ZNF277: variants seen among roughly 807,000 people sequenced by gnomAD.
The protein encoded by ZNF277 is zinc finger protein 277.
Under a neutral mutation model 60.7 loss-of-function variants are expected in ZNF277, and 55 were observed. The ratio of observed to expected loss-of-function variants is 0.91; its 90% CI spans 0.73 to 1.13. The LOEUF (loss-of-function observed/expected upper bound fraction) is 1.13. ZNF277 is among the 50% of genes most tolerant of loss of function. The pLI is 0.00. For synonymous variants in ZNF277, 178 were observed against 179.3 expected (o/e 0.99, Z 0.06); for missense variants, 510 against 523.0 (o/e 0.98, Z 0.24).
Position 112,298,660 on chromosome 7 carries a change from G to A in ZNF277, c.465+2349G>A, listed in dbSNP as rs188483189. On this transcript the variant is annotated intron_variant, in intron 4 of 11. Transcript: ENST00000361822. ...AGCTGTCAAAGCCTGAGAAAGACTA[G>A]ACCAACTTGGGGATTGGAAGTAAGC... 2.2e-3 allele frequency among the ~76,000 whole-genome samples: 334 copies of A among 152,288 alleles called. 1 individual carries two copies. The highest frequency in any genetic ancestry group is 3.8e-3 in the Non-Finnish European group (261 of 68,014).
chr7:112,283,744 G>A (rs1792000399), intron 1 of ZNF277, among the ~76,000 whole-genome samples: 1 of 152,150 alleles, frequency 6.6e-6, no homozygotes, highest in African/African-American at 2.4e-5. Flanking sequence ...GTGAACCACA[G>A]AGGAATAATA....
chr7:112,342,618 A>G lies in ZNF277; in HGVS notation c.1242A>G (p.Glu414=). 6.2e-7 allele frequency: 1 copy of G among 1,613,320 alleles called. No homozygotes were observed. Among genetic ancestry groups the G allele is most frequent in the Non-Finnish European group, 8.5e-7 (1 of 1,179,870 alleles). ...TCCTGTGTACACTATCTGACAGTGAAAGTGACCTGACAGCTCAGGAACAAA... is the reference window on the plus strand; with the variant it reads ...TCCTGTGTACACTATCTGACAGTGAGAGTGACCTGACAGCTCAGGAACAAA... ...DTLLCTLSDS[E]SDLTAQEQNE... is the part of the protein sequence containing the mutation. Residue 414 remains glutamate, a synonymous_variant, in exon 12 of 12, where the codon GAA becomes GAG. Transcript: ENST00000361822.
rs190610134 is a variant in ZNF277, at chr7:112,231,150, G to T, written c.91+24343G>T. 7.7e-3 allele frequency among the ~76,000 whole-genome samples: 1,171 copies of T among 151,466 alleles called. 9 individuals are homozygous for T. Among genetic ancestry groups the T allele is most frequent in the Non-Finnish European group, 0.013 (896 of 67,946 alleles). The stretch of plus-strand genomic sequence containing the variant: ...AATCACTTGAACCCGGGAGGCGGAG[G>T]TTGCAGTGAGCTGAGATCGCGCCAT... On this transcript the variant is annotated intron_variant, in intron 1 of 11. Transcript: ENST00000361822.
chr7:112,279,238 A>C (rs1298224013), intron 1 of ZNF277, among the ~76,000 whole-genome samples: 1 of 152,070 alleles, frequency 6.6e-6, no homozygotes. Context: ...GGCTCATATG[A>C]TAGTTCTATT....
intron 2 of ZNF277, among the ~76,000 whole-genome samples, chr7:112,293,265 T>C (rs930144492): frequency 2.0e-4 from 31 of 151,996 alleles, no homozygotes; most frequent in African/African-American, 7.0e-4. Context: ...CAAGGGACAA[T>C]ATTGATTGTC....
At chr7:112,304,419 G>C (rs1792547064) in intron 4 of ZNF277, among the ~76,000 whole-genome samples, 1 of 152,100 alleles carries the variant, frequency 6.6e-6, no homozygotes, top group Non-Finnish European at 1.5e-5. Context: ...GTGGGGAAAA[G>C]TAGCTTTTTA....
At chr7:112,241,925 T>A (rs570774986) in intron 1 of ZNF277, among the ~76,000 whole-genome samples, 7 of 152,152 alleles carry the variant, frequency 4.6e-5, no homozygotes, top group Admixed American at 2.0e-4. Context: ...GTGAATAAGA[T>A]CTAGTGTTTA....
At chr7:112,221,048 T>TCGCAGACCCGC (rs1484510583) in intron 1 of ZNF277, among the ~76,000 whole-genome samples, 1 of 152,156 alleles carries the variant, frequency 6.6e-6, no homozygotes, top group African/African-American at 2.4e-5. Flanking sequence ...TTTGCCACCA[T>TCGCAGACCCGC]CGCAGACCCG....
chr7:112,298,538 C>T (rs996708613), intron 4 of ZNF277, among the ~76,000 whole-genome samples: 2 of 152,134 alleles, frequency 1.3e-5, no homozygotes, highest in Non-Finnish European at 1.5e-5. Flanking sequence ...GTGCCAGAAA[C>T]TTGACTTTGT....
chr7:112,331,814 T>C (rs990185679), intron 7 of ZNF277, among the ~76,000 whole-genome samples: 3 of 152,204 alleles, frequency 2.0e-5, no homozygotes, highest in African/African-American at 7.2e-5. Flanking sequence ...CTAAGAAATA[T>C]TCAGCTACTG....
intron 5 of ZNF277, among the ~76,000 whole-genome samples, chr7:112,327,144 GA>G (rs1233327758): frequency 6.6e-6 from 1 of 152,136 alleles, no homozygotes; most frequent in Non-Finnish European, 1.5e-5. Context: ...TGATGAATTG[GA>G]AAAGTAGAAG....
At chr7:112,320,258 A>G (rs947753136) in intron 5 of ZNF277, among the ~76,000 whole-genome samples, 4 of 152,160 alleles carry the variant, frequency 2.6e-5, no homozygotes, top group African/African-American at 9.6e-5. Flanking sequence ...GTAGGGTCAC[A>G]TAGGAATTAC....
At chr7:112,341,993 A>G (rs982759959) in intron 11 of ZNF277, among the ~76,000 whole-genome samples, 1 of 137,772 alleles carries the variant, frequency 7.3e-6, no homozygotes, top group Non-Finnish European at 1.5e-5. Flanking sequence ...ATATTCCGTA[A>G]GTGTTTCCTT....
chr7:112,304,916 A>G (rs1458034997), intron 4 of ZNF277, among the ~76,000 whole-genome samples: 2 of 152,134 alleles, frequency 1.3e-5, no homozygotes, highest in Non-Finnish European at 2.9e-5. Context: ...TTTTACCAAG[A>G]TCTCAAAGGA....
chr7:112,217,533 C>T (rs1013860237), intron 1 of ZNF277, among the ~76,000 whole-genome samples: 12 of 152,164 alleles, frequency 7.9e-5, no homozygotes, highest in African/African-American at 2.2e-4. Context: ...CTGACCTAAC[C>T]GACTCCATCT....
At chr7:112,328,492 C>A (rs576118654) in intron 6 of ZNF277, 2 of 152,216 alleles carry the variant, frequency 1.3e-5, no homozygotes, top group South Asian at 2.1e-4. Context: ...AAAATTTTTT[C>A]TCTGAGAACC....
In ZNF277 at chr7:112,206,727, C is replaced by T; in HGVS notation, c.11C>T (p.Ser4Phe). ...CTTTTCTGCCGGGTAATGGCTGCTT[C>T]CAAGACCCAGGGGGCTGTCGCCCGA... is the stretch of plus-strand genomic sequence containing the variant. MAA[S>F]KTQGAVARMQ... Residue 4 changes from serine (S) to phenylalanine (F), a missense_variant, in exon 1 of 12, where the codon TCC becomes TTC. Physicochemically the swap from Ser to Phe is radical, Grantham distance 155. Transcript: ENST00000361822. 6.2e-7 allele frequency: 1 copy of T among 1,613,352 alleles called. No individual in the cohort carries two copies. Among genetic ancestry groups the T allele is most frequent in the Non-Finnish European group, 8.5e-7 (1 of 1,179,736 alleles).
intron 1 of ZNF277, among the ~76,000 whole-genome samples, chr7:112,228,037 G>A (rs923949510): frequency 6.6e-6 from 1 of 151,932 alleles, no homozygotes. Context: ...TGTCAGCAGG[G>A]CTACGCTCTC....
At chr7:112,256,502 T>C (rs1791313694) in intron 1 of ZNF277, among the ~76,000 whole-genome samples, 1 of 144,002 alleles carries the variant, frequency 6.9e-6, no homozygotes, top group Non-Finnish European at 1.5e-5. Flanking sequence ...CCATCTTGGC[T>C]CACTTTTGCT....
Sources: allele counts gnomAD v4.1 joint callset (sites outside exome capture counted in the v4.1 genomes callset), GRCh38; gene constraint gnomAD v4.1.1; transcripts MANE v1.5; gene names NCBI Gene and HGNC (gene_info 2026-07-23, HGNC 2026-07-21).